GGA2: variants seen among roughly 807,000 people sequenced by gnomAD.
GGA2 encodes ADP-ribosylation factor-binding protein GGA2.
Under a neutral mutation model 79.5 loss-of-function variants are expected in GGA2, and 48 were observed. That is an observed-to-expected ratio of 0.60 (90% CI 0.48 to 0.77). GGA2 has a LOEUF of 0.77. Among genes scored for constraint, GGA2 ranks in the 30% least tolerant of loss-of-function variants. The pLI is 0.00. For missense variants in GGA2, 770 were observed against 774.0 expected (o/e 0.99, Z 0.06); for synonymous variants, 317 against 302.0 (o/e 1.05, Z -0.51).
chr16:23,474,791 A>C, intron 14 of GGA2, 113 bp downstream of exon 14: 1 of 822,852 alleles, frequency 1.2e-6, no homozygotes, highest in Non-Finnish European at 2.1e-6. Flanking sequence ...AATCTCTCCC[A>C]TTTATCAACC....
intron 1 of GGA2, among the ~76,000 whole-genome samples, chr16:23,503,470 T>C (rs1324924834): frequency 6.6e-6 from 1 of 152,214 alleles, no homozygotes; most frequent in Non-Finnish European, 1.5e-5. Context: ...CCAAAATTAA[T>C]GATATTATAT....
intron 1 of GGA2, among the ~76,000 whole-genome samples, chr16:23,507,912 A>T (rs892013793): frequency 3.3e-5 from 5 of 152,118 alleles, no homozygotes; most frequent in Non-Finnish European, 7.4e-5. Context: ...GTGAGCTGAG[A>T]TCATGCCGCT....
Position 23,464,070 on chromosome 16 carries a change from C to T in GGA2, c.*3520G>A, listed in dbSNP as rs936036420. 2 of 152,138 alleles carry T rather than the reference C, an allele frequency of 1.3e-5. No individual in the cohort carries two copies. The highest frequency in any genetic ancestry group is 4.8e-5 in the African/African-American group (2 of 41,444). The allele number at this position is 152,138 out of a possible 1,614,324, so 9.4% of individuals were successfully genotyped here. On this transcript the variant is annotated 3_prime_UTR_variant, in exon 17 of 17. Coordinates refer to ENST00000309859, the MANE Select transcript of GGA2 (RefSeq NM_015044.4). Reference sequence around the variant, plus strand: ...GGATTAATATTGTAGTAGGCAAGCACTATTTGTATTCTAGAATATTGCCCT... The same window carrying T: ...GGATTAATATTGTAGTAGGCAAGCATTATTTGTATTCTAGAATATTGCCCT...
Position 23,486,153 on chromosome 16 carries a change from C to G in GGA2, c.661-1G>C, listed in dbSNP as rs1462597724. On this transcript the variant is annotated splice_acceptor_variant, in intron 7 of 16. Coordinates refer to ENST00000309859, the MANE Select transcript of GGA2 (RefSeq NM_015044.4). LOFTEE classifies it high-confidence loss of function. Reference sequence around the variant, plus strand: ...ACACCTTCTCCGATTTTTCTTGTTCCTTTTGGGAAAAAGAGGAGGATGGGA... The same window carrying G: ...ACACCTTCTCCGATTTTTCTTGTTCGTTTTGGGAAAAAGAGGAGGATGGGA... 1 of 1,613,486 alleles carries G rather than the reference C, an allele frequency of 6.2e-7. No individual in the cohort carries two copies.
chr16:23,480,466 G>A (rs1198555144), intron 10 of GGA2, 179 bp downstream of exon 10: 6 of 569,420 alleles, frequency 1.1e-5, no homozygotes, highest in Non-Finnish European at 1.8e-5. Flanking sequence ...CCGGCAACCA[G>A]CTCATGACAA....
At chr16:23,512,996 C>T (rs868438387), upstream of GGA2, among the ~76,000 whole-genome samples, 1 of 152,054 alleles carries the variant, frequency 6.6e-6, no homozygotes, top group African/African-American at 2.4e-5. Flanking sequence ...TGAACCACTG[C>T]ACCTGGCCTA....
intron 1 of GGA2, among the ~76,000 whole-genome samples, chr16:23,508,101 C>T (rs571912859): frequency 6.7e-6 from 1 of 149,456 alleles, no homozygotes; most frequent in Non-Finnish European, 1.5e-5. Flanking sequence ...CTCGCCTTGT[C>T]ACCTAGGCTG....
In GGA2 at chr16:23,465,502, G is replaced by A; in HGVS notation, c.*2088C>T. On this transcript the variant is annotated 3_prime_UTR_variant, in exon 17 of 17. Coordinates refer to ENST00000309859, the MANE Select transcript of GGA2 (RefSeq NM_015044.4). ...CAAGAATGTTCAGGTACACATGTGT[G>A]AGTTCACCTCCTAACTATAGGGGAG... 1.4e-6 allele frequency: 1 copy of A among 689,802 alleles called. No individual in the cohort carries two copies. Among genetic ancestry groups the A allele is most frequent in the Admixed American group, 2.1e-5 (1 of 48,424 alleles). The allele number at this position is 689,802 out of a possible 1,614,324, so 42.7% of individuals were successfully genotyped here.
At chr16:23,501,772 G>A (rs1351739210) in intron 1 of GGA2, 1 of 160,442 alleles carries the variant, frequency 6.2e-6, no homozygotes, top group African/African-American at 2.4e-5. Context: ...TTTTTTTGTT[G>A]TTTAGGATTT....
At chr16:23,512,501 T>C (rs1444471759), upstream of GGA2, among the ~76,000 whole-genome samples, 1 of 152,124 alleles carries the variant, frequency 6.6e-6, no homozygotes, top group Non-Finnish European at 1.5e-5. Context: ...TGTAGATAAC[T>C]GAATAGCAAT....
At chr16:23,509,993 G>C (rs1965018047) in intron 1 of GGA2, among the ~76,000 whole-genome samples, 1 of 151,290 alleles carries the variant, frequency 6.6e-6, no homozygotes, top group African/African-American at 2.4e-5. Flanking sequence ...GCAGGACTAA[G>C]CCGCTGTGAG....
intron 2 of GGA2, chr16:23,519,536 G>A (rs1965123072): frequency 5.7e-5 from 21 of 367,794 alleles, no homozygotes; most frequent in South Asian, 4.0e-4. Flanking sequence ...GAGTTTGTAT[G>A]TGGAATATTG....
chr16:23,469,906 T>G (rs1964487537), intron 15 of GGA2, 90 bp downstream of exon 15: 2 of 965,314 alleles, frequency 2.1e-6, no homozygotes, highest in East Asian at 5.5e-5. Context: ...TGAAGATTCT[T>G]TCCTTGACAC....
chr16:23,499,623 G>C (rs1474349935), intron 1 of GGA2, among the ~76,000 whole-genome samples: 1 of 152,042 alleles, frequency 6.6e-6, no homozygotes, highest in Non-Finnish European at 1.5e-5. Context: ...AACTTTGAGA[G>C]GCCGAGGCGG....
chr16:23,478,677 T>C (rs1218374069), intron 12 of GGA2, 176 bp from the exon 13 acceptor site: 1 of 753,042 alleles, frequency 1.3e-6, no homozygotes, highest in African/African-American at 1.7e-5. Context: ...TGGGCAGACC[T>C]CCAGGAAGCA....
intron 1 of GGA2, chr16:23,501,294 T>C: frequency 2.6e-5 from 12 of 456,764 alleles, no homozygotes; most frequent in South Asian, 1.9e-4. Context: ...TGGAAAAAGA[T>C]TGTCCTTGGA....
At chr16:23,478,198 C>CA (rs1280730858) in intron 13 of GGA2, among the ~76,000 whole-genome samples, 170 bp downstream of exon 13, 455 of 37,850 alleles carry the variant, frequency 0.012, 5 homozygotes, top group African/African-American at 0.052. Flanking sequence ...GACCCCGTCT[C>CA]AAAAAAAAAA....
intron 1 of GGA2, among the ~76,000 whole-genome samples, chr16:23,510,065 CTGTGCTGCTGCTAAGT>C (rs1965019388): frequency 9.2e-6 from 1 of 109,172 alleles, no homozygotes; most frequent in African/African-American, 3.5e-5. Context: ...GGTCGGGGTC[CTGTGCTGCTGCTAAGT>C]TGGGGGGTGG....
At chr16:23,515,349 C>A (rs1232223953), upstream of GGA2, among the ~76,000 whole-genome samples, 1 of 151,562 alleles carries the variant, frequency 6.6e-6, no homozygotes, top group Non-Finnish European at 1.5e-5. Context: ...GTAATCCCAG[C>A]ACTTTGGGAG....
Sources: gnomAD v4.1 joint callset for allele counts (sites outside exome capture counted in the v4.1 genomes callset) on GRCh38, gnomAD v4.1.1 for gene constraint, MANE v1.5 for transcripts, NCBI Gene and HGNC (gene_info 2026-07-23, HGNC 2026-07-21) for gene names.